SULF1: variants seen among roughly 807,000 people sequenced by gnomAD.
SULF1 encodes extracellular sulfatase Sulf-1.
SULF1 carries 46 observed loss-of-function variants against 110.5 expected under a neutral mutation model. The observed-to-expected ratio is 0.42, with a 90% confidence interval of 0.33 to 0.53. The LOEUF is 0.53. Ranked by LOEUF, SULF1 falls within the 20% of genes least tolerant of loss-of-function variation. The pLI is 0.12. For synonymous variants in SULF1, 371 were observed against 387.1 expected (o/e 0.96, Z 0.49); for missense variants, 941 against 1,094.2 (o/e 0.86, Z 1.98).
intron 8 of SULF1, among the ~76,000 whole-genome samples, chr8:69,593,269 G>T (rs757614964): frequency 1.1e-4 from 16 of 152,178 alleles, no homozygotes; most frequent in Non-Finnish European, 2.4e-4. Context: ...CGATGGTAGT[G>T]CATGGAACTG....
chr8:69,518,119 A>G (rs1171405284), intron 3 of SULF1, among the ~76,000 whole-genome samples: 1 of 152,208 alleles, frequency 6.6e-6, no homozygotes, highest in Non-Finnish European at 1.5e-5. Context: ...TACCACCGCC[A>G]TCTTCTAGTA....
At chr8:69,492,823 C>T (rs530077008), upstream of SULF1, 4 of 152,298 alleles carry the variant, frequency 2.6e-5, no homozygotes, top group Non-Finnish European at 4.4e-5. Context: ...GCTTATATAA[C>T]CGTCTTCATC....
At chr8:69,611,706 A>AT (rs1475990865) in intron 13 of SULF1, among the ~76,000 whole-genome samples, 1 of 152,218 alleles carries the variant, frequency 6.6e-6, no homozygotes, top group Non-Finnish European at 1.5e-5. Flanking sequence ...CAGTTGTGAC[A>AT]TTTCAGAGAA....
rs185110427 is a variant in SULF1 at position 69,542,784 on chromosome 8, C to A, written c.-133-20755C>A. ...AATGTAAGTGTGGGTTTGGGAGAAG[C>A]GTGATAGAAAATGACGGAGCAGGAG... On this transcript the variant is annotated intron_variant, in intron 3 of 22. Coordinates refer to ENST00000402687, the MANE Select transcript of SULF1 (RefSeq NM_001128205.2). Among the ~76,000 whole-genome samples, 117 of 152,098 alleles carry A rather than the reference C, an allele frequency of 7.7e-4. 1 individual carries two copies. Among genetic ancestry groups the A allele is most frequent in the Non-Finnish European group, 1.3e-3 (86 of 67,998 alleles).
At chr8:69,529,546 A>G (rs1812940792) in intron 3 of SULF1, among the ~76,000 whole-genome samples, 1 of 152,236 alleles carries the variant, frequency 6.6e-6, no homozygotes. Flanking sequence ...TCTGTGAATC[A>G]GGAATGTGGG....
At chr8:69,627,353 C>T (rs751393188) in intron 16 of SULF1, 47 bp downstream of exon 16, 16 of 1,461,960 alleles carry the variant, frequency 1.1e-5, no homozygotes, top group Non-Finnish European at 1.4e-5. Flanking sequence ...AACTCAAACT[C>T]GGCCTGCCAG....
At chr8:69,533,521 G>T (rs1563505403) in intron 3 of SULF1, among the ~76,000 whole-genome samples, 1 of 152,060 alleles carries the variant, frequency 6.6e-6, no homozygotes, top group African/African-American at 2.4e-5. Flanking sequence ...TTCTGTTCCT[G>T]CATTAGTTTG....
intron 3 of SULF1, among the ~76,000 whole-genome samples, chr8:69,543,864 G>A (rs1220332896): frequency 6.6e-6 from 1 of 152,198 alleles, no homozygotes; most frequent in Admixed American, 6.5e-5. Flanking sequence ...TACCTGCTCA[G>A]CCTCAGGATG....
intron 2 of SULF1, among the ~76,000 whole-genome samples, chr8:69,501,589 G>A (rs1810801014): frequency 6.6e-6 from 1 of 152,152 alleles, no homozygotes; most frequent in South Asian, 2.1e-4. Context: ...TTCTTTAATG[G>A]TTCTATGAAA....
At chr8:69,525,621 A>C (rs189361236) in intron 3 of SULF1, among the ~76,000 whole-genome samples, 4 of 152,344 alleles carry the variant, frequency 2.6e-5, no homozygotes, top group Non-Finnish European at 5.9e-5. Flanking sequence ...AAATTGCAAT[A>C]AACCTCCCAG....
At chr8:69,566,160 T>A (rs1815869159) in intron 5 of SULF1, among the ~76,000 whole-genome samples, 1 of 152,036 alleles carries the variant, frequency 6.6e-6, no homozygotes, top group Admixed American at 6.6e-5. Flanking sequence ...GTGTGTTTTA[T>A]GTTGCACTCC....
intron 8 of SULF1, among the ~76,000 whole-genome samples, chr8:69,593,833 C>T (rs1291035518): frequency 2.0e-5 from 3 of 152,166 alleles, no homozygotes; most frequent in African/African-American, 7.2e-5. Context: ...ACTTATTTCC[C>T]CAGAATCTCC....
At chr8:69,514,828 C>T (rs372879317) in intron 3 of SULF1, among the ~76,000 whole-genome samples, 6 of 152,318 alleles carry the variant, frequency 3.9e-5, no homozygotes, top group African/African-American at 1.2e-4. Context: ...GTCTGAAACC[C>T]AGGAGTGCAG....
intron 19 of SULF1, chr8:69,637,477 A>G (rs1197270775): frequency 6.4e-6 from 1 of 156,928 alleles, no homozygotes; most frequent in African/African-American, 2.4e-5. Flanking sequence ...TCCATAGTCT[A>G]AAATAAACAT....
chr8:69,521,085 G>A (rs1812266421), intron 3 of SULF1, among the ~76,000 whole-genome samples: 2 of 152,156 alleles, frequency 1.3e-5, no homozygotes, highest in Admixed American at 6.5e-5. Flanking sequence ...CTAGTGTCAA[G>A]CATAACACTT....
chr8:69,485,596 C>T (rs1023532702), intron 1 of SULF1, among the ~76,000 whole-genome samples: 4 of 152,172 alleles, frequency 2.6e-5, no homozygotes, highest in African/African-American at 9.7e-5. Flanking sequence ...AGGCTTTTTC[C>T]TGTCTAAGTC....
intron 22 of SULF1, chr8:69,642,107 G>A: frequency 2.3e-5 from 12 of 512,336 alleles, no homozygotes; most frequent in Non-Finnish European, 2.8e-5. Context: ...TCAAAGAAAT[G>A]TGAACTTAAT....
chr8:69,595,163 C>G (rs1209817014), intron 8 of SULF1, among the ~76,000 whole-genome samples: 1 of 152,092 alleles, frequency 6.6e-6, no homozygotes, highest in African/African-American at 2.4e-5. Flanking sequence ...GATTAAAAAA[C>G]AAAGACCCAA....
chr8:69,582,709 A>T (rs1361169765), intron 6 of SULF1, among the ~76,000 whole-genome samples: 1 of 150,846 alleles, frequency 6.6e-6, no homozygotes, highest in Non-Finnish European at 1.5e-5. Flanking sequence ...AAAAAAAGGA[A>T]AGAAAAGTGG....
Sources: gnomAD v4.1 joint callset for allele counts (sites outside exome capture counted in the v4.1 genomes callset) on GRCh38, gnomAD v4.1.1 for gene constraint, MANE v1.5 for transcripts, NCBI Gene and HGNC (gene_info 2026-07-23, HGNC 2026-07-21) for gene names.